Variants in CLVS2 observed in about 807,000 individuals in gnomAD.
CLVS2 encodes the protein clavesin-2.
A neutral mutation model predicts 29.0 loss-of-function variants in CLVS2; 19 were observed. The observed-to-expected ratio is 0.66, with a 90% CI of 0.46 to 0.96. The LOEUF is 0.96. Among genes scored for constraint, CLVS2 ranks in the 40% least tolerant of loss-of-function variants. The pLI is 0.00. For synonymous variants in CLVS2, 161 were observed against 151.3 expected, an observed-to-expected ratio of 1.06 and a Z score of -0.47; for missense variants, 294 against 404.1, an observed-to-expected ratio of 0.73 and a Z score of 2.34.
chr6:123,013,246 A>G (rs1289830573), intron 3 of CLVS2, among the ~76,000 whole-genome samples: 1 of 152,010 alleles, frequency 6.6e-6, no homozygotes. Context: ...CATTTTTTTC[A>G]ATATCAAAAT....
rs578127035 is a variant in CLVS2 at position 123,016,310 on chromosome 6, G to A, written c.564+5151G>A. ...AAATACCTACAATCTCTTAGACTCT[G>A]AATTTACAGTAAAATTACGTGCTTT... is the stretch of plus-strand genomic sequence containing the variant. On this transcript the variant is annotated intron_variant, in intron 3 of 5. Coordinates refer to ENST00000275162, the MANE Select transcript of CLVS2 (RefSeq NM_001010852.4). Among the ~76,000 whole-genome samples, 186 of 112,826 alleles carry A rather than the reference G, an allele frequency of 1.6e-3. 3 individuals are homozygous for A. Among genetic ancestry groups the A allele is most frequent in the African/African-American group, 6.3e-3 (177 of 28,230 alleles). 74.0% of individuals were successfully genotyped at this position (112,826 alleles called of 152,430 possible).
At position 123,071,262 on chromosome 6, in the gene CLVS2, T is replaced by C. The variant is rs1035069555; in HGVS notation, c.*7501T>C. ...CAATAGTATGAATTGAAAGAGTTTC[T>C]TGTTGTCTTAATTTAAAAAATTTTG... is the stretch of plus-strand genomic sequence containing the variant. On this transcript the variant is annotated 3_prime_UTR_variant, in exon 6 of 6. Transcript: ENST00000275162. The C allele has an allele frequency of 6.6e-5, 10 of 151,986 alleles. No homozygotes were observed. Among genetic ancestry groups the C allele is most frequent in the African/African-American group, 2.4e-4 (10 of 41,422 alleles). 9.4% of individuals were successfully genotyped at this position (151,986 alleles called of 1,614,324 possible).
At chr6:123,007,698 T>C (rs1426036667) in intron 2 of CLVS2, among the ~76,000 whole-genome samples, 2 of 152,212 alleles carry the variant, frequency 1.3e-5, no homozygotes, top group Admixed American at 1.3e-4. Flanking sequence ...ATTGGTGTCA[T>C]GATTTCTTCT....
rs760084392 is a variant in CLVS2, at chr6:123,011,207, C to T, written c.564+48C>T. ...TTCCTTGGTCTCTTGTGTTTGACTTCTCTTGTCTAATGTGTTAGAATGAAA... is the reference window on the plus strand; with the variant it reads ...TTCCTTGGTCTCTTGTGTTTGACTTTTCTTGTCTAATGTGTTAGAATGAAA... On this transcript the variant is annotated intron_variant, in intron 3 of 5. Transcript: ENST00000275162. 3.0e-6 allele frequency: 4 copies of T among 1,341,396 alleles called. No homozygotes were observed. In the African/African-American group the frequency reaches 4.5e-5, roughly 15 times the overall value. 83.1% of individuals were successfully genotyped at this position (1,341,396 alleles called of 1,614,324 possible). A position where few individuals can be genotyped will look rare whatever the true frequency, so the allele number is the denominator to read the frequency against.
intron 3 of CLVS2, among the ~76,000 whole-genome samples, chr6:123,047,998 C>T (rs536933545): frequency 2.6e-4 from 40 of 152,158 alleles, no homozygotes; most frequent in African/African-American, 8.9e-4. Context: ...CAGAGAGATT[C>T]GATTTTCATT....
chr6:123,072,446 A>G lies in CLVS2; in HGVS notation c.*8685A>G, dbSNP rs1772963712. On this transcript the variant is annotated 3_prime_UTR_variant, in exon 6 of 6. Transcript: ENST00000275162. ...ACAAGGATAGGTAATCAGGGTTAAC[A>G]GTTCGGAAAACATTCTCTAGAGAAG... The G allele has an allele frequency of 6.6e-6, 1 of 152,128 alleles. No homozygotes were observed. Among genetic ancestry groups the G allele is most frequent in the South Asian group, 2.1e-4 (1 of 4,838 alleles). The allele number at this position is 152,128 out of a possible 1,614,324, so 9.4% of individuals were successfully genotyped here.
chr6:123,036,115 T>C (rs886868254), intron 3 of CLVS2, among the ~76,000 whole-genome samples: 2 of 152,142 alleles, frequency 1.3e-5, no homozygotes, highest in Non-Finnish European at 2.9e-5. Context: ...TGCACAATAA[T>C]GCTAGGGGCA....
intron 4 of CLVS2, among the ~76,000 whole-genome samples, chr6:123,053,547 G>A (rs1401835210): frequency 1.3e-5 from 2 of 152,132 alleles, no homozygotes; most frequent in East Asian, 3.9e-4. Flanking sequence ...CAATGAGAAG[G>A]ACCTTGACAA....
chr6:123,004,314 C>A (rs554652790), intron 2 of CLVS2, among the ~76,000 whole-genome samples: 1 of 152,148 alleles, frequency 6.6e-6, no homozygotes, highest in Non-Finnish European at 1.5e-5. Context: ...AGACATTTTG[C>A]CCGCAGATGT....
intron 4 of CLVS2, among the ~76,000 whole-genome samples, chr6:123,050,595 C>T (rs1772594745): frequency 6.6e-6 from 1 of 151,972 alleles, no homozygotes; most frequent in African/African-American, 2.4e-5. Flanking sequence ...ATTTGACAAA[C>T]AGCAAGAAGG....
In CLVS2 at chr6:123,066,413, C is replaced by G. The variant is rs192351601; in HGVS notation, c.*2652C>G. 1 of 151,418 alleles carries G rather than the reference C, an allele frequency of 6.6e-6. No homozygotes were observed. The highest frequency in any genetic ancestry group is 2.4e-5 in the African/African-American group (1 of 41,450). 9.4% of individuals were successfully genotyped at this position (151,418 alleles called of 1,614,324 possible). A position where few individuals can be genotyped will look rare whatever the true frequency, so the allele number is the denominator to read the frequency against. ...ACACTAACACACTAGACTGTTTGCC[C>G]TAATGAATTTTCCTCTGTACTTCGA... On this transcript the variant is annotated 3_prime_UTR_variant, in exon 6 of 6. Transcript: ENST00000275162.
At chr6:123,043,941 G>A (rs1249753969) in intron 3 of CLVS2, among the ~76,000 whole-genome samples, 1 of 152,080 alleles carries the variant, frequency 6.6e-6, no homozygotes, top group African/African-American at 2.4e-5. Context: ...AGAAATATAT[G>A]AATAATTCAC....
At chr6:123,061,162 A>T (rs1426703783) in intron 5 of CLVS2, among the ~76,000 whole-genome samples, 1 of 152,144 alleles carries the variant, frequency 6.6e-6, no homozygotes, top group Non-Finnish European at 1.5e-5. Context: ...TTAGCCAGGC[A>T]TGGTGGTGCA....
chr6:123,001,559 T>G (rs1353136433), intron 2 of CLVS2, among the ~76,000 whole-genome samples: 1 of 152,236 alleles, frequency 6.6e-6, no homozygotes, highest in Non-Finnish European at 1.5e-5. Flanking sequence ...TTGCCTTACA[T>G]AATTTCTGAC....
intron 3 of CLVS2, among the ~76,000 whole-genome samples, chr6:123,017,997 C>T (rs1774862109): frequency 6.6e-6 from 1 of 152,062 alleles, no homozygotes; most frequent in African/African-American, 2.4e-5. Context: ...TCTACACCTT[C>T]AACCACTGAC....
At chr6:123,005,723 G>A (rs957415163) in intron 2 of CLVS2, among the ~76,000 whole-genome samples, 27 of 152,154 alleles carry the variant, frequency 1.8e-4, no homozygotes, top group African/African-American at 6.5e-4. Flanking sequence ...CTAAAAAATT[G>A]AGGGGGCTCC....
At chr6:123,036,097 G>A (rs749737517) in intron 3 of CLVS2, among the ~76,000 whole-genome samples, 1 of 152,136 alleles carries the variant, frequency 6.6e-6, no homozygotes, top group Non-Finnish European at 1.5e-5. Flanking sequence ...GGGAATGGAA[G>A]CATTGAATGC....
chr6:123,050,066 GA>G (rs1454061987), intron 4 of CLVS2, among the ~76,000 whole-genome samples: 3 of 152,174 alleles, frequency 2.0e-5, no homozygotes, highest in Non-Finnish European at 4.4e-5. Flanking sequence ...AAGCATCAGT[GA>G]ACAGAGGGTT....
At chr6:123,056,373 C>A (rs914032102) in intron 5 of CLVS2, among the ~76,000 whole-genome samples, 3 of 152,114 alleles carry the variant, frequency 2.0e-5, no homozygotes, top group East Asian at 1.9e-4. Flanking sequence ...ATCCACCCCC[C>A]CAAACCATCC....
Sources: allele counts gnomAD v4.1 joint callset (sites outside exome capture counted in the v4.1 genomes callset), GRCh38; gene constraint gnomAD v4.1.1; transcripts MANE v1.5; gene names NCBI Gene and HGNC (gene_info 2026-07-23, HGNC 2026-07-21).